The following RAD21L1 variants were observed in gnomAD, a reference collection of about 807,000 sequenced individuals.
The protein encoded by RAD21L1 is double-strand-break repair protein rad21-like protein 1.
Under a neutral mutation model 69.0 loss-of-function variants are expected in RAD21L1, and 47 were observed. That is an observed-to-expected ratio of 0.68 (90% CI 0.54 to 0.87). RAD21L1 has a LOEUF of 0.87. Among genes scored for constraint, RAD21L1 ranks in the 40% least tolerant of loss-of-function variants. RAD21L1 has a pLI of 0.00. For synonymous variants in RAD21L1, 177 were observed against 205.8 expected (o/e 0.86, Z 1.20); for missense variants, 583 against 647.6 (o/e 0.90, Z 1.08).
intron 1 of RAD21L1, among the ~76,000 whole-genome samples, chr20:1,227,625 G>A (rs1296102608): frequency 1.3e-5 from 2 of 152,210 alleles, no homozygotes; most frequent in African/African-American, 4.8e-5. Context: ...CAACCAAAGT[G>A]CTATAACATC....
chr20:1,244,508 C>T (rs1036833194), intron 11 of RAD21L1, among the ~76,000 whole-genome samples: 1 of 152,108 alleles, frequency 6.6e-6, no homozygotes, highest in African/African-American at 2.4e-5. Context: ...TTTAGAACTG[C>T]AGCCAGTATG....
intron 13 of RAD21L1, among the ~76,000 whole-genome samples, chr20:1,252,787 A>G (rs7264468): frequency 0.061 from 9,238 of 152,104 alleles, 384 homozygotes; most frequent in South Asian, 0.1. Context: ...CACTCAAATC[A>G]GCTTGCTTTT....
At chr20:1,254,207 C>A in intron 13 of RAD21L1, 62 bp from the exon 14 acceptor site, 2 of 1,155,788 alleles carry the variant, frequency 1.7e-6, no homozygotes, top group Admixed American at 2.9e-5. Context: ...GCATTTATAG[C>A]CGGCTTTACT....
chr20:1,237,864 C>T (rs2087532124), intron 5 of RAD21L1, among the ~76,000 whole-genome samples, 180 bp from the exon 6 acceptor site: 1 of 152,130 alleles, frequency 6.6e-6, no homozygotes, highest in South Asian at 2.1e-4. Context: ...GACTAAAAAT[C>T]ATGTCTCTAC....
chr20:1,240,182 T>A, intron 7 of RAD21L1, 139 bp from the exon 8 acceptor site: 2 of 1,358,390 alleles, frequency 1.5e-6, no homozygotes, highest in Non-Finnish European at 1.9e-6. Context: ...ATTAAATAAA[T>A]GGTTCTAAGA....
Position 1,246,363 on chromosome 20 carries a change from C to T in RAD21L1, c.1401+58C>T, listed in dbSNP as rs1172175694. ...AAAAACTTTATTCCTAAATATTTAA[C>T]ACCTTATTTATCTAAAACTTGGCTT... On this transcript the variant is annotated intron_variant, in intron 12 of 13. Transcript: ENST00000683101. This position sits in a 1 kb window ranked among gnomAD's most constrained non-coding sequence, Gnocchi z 4.6. 7 of 781,450 alleles carry T rather than the reference C, an allele frequency of 9.0e-6. No homozygotes were observed. The highest frequency in any genetic ancestry group is 3.7e-5 in the Admixed American group (1 of 27,156). The allele number at this position is 781,450 out of a possible 1,614,324, so 48.4% of individuals were successfully genotyped here.
At chr20:1,251,382 T>C (rs912957190) in intron 13 of RAD21L1, among the ~76,000 whole-genome samples, 8 of 151,554 alleles carry the variant, frequency 5.3e-5, no homozygotes, top group African/African-American at 1.2e-4. Context: ...TTTTTTTTTT[T>C]CCACTTATTG....
chr20:1,229,782 T>C, intron 2 of RAD21L1, 98 bp from the exon 3 acceptor site: 3 of 930,930 alleles, frequency 3.2e-6, no homozygotes, highest in Non-Finnish European at 4.6e-6. Flanking sequence ...ATATCTGCTT[T>C]TTTAAGAGAA....
chr20:1,248,726 C>A (rs1202383460), intron 13 of RAD21L1, 23 bp downstream of exon 13: 15 of 1,334,738 alleles, frequency 1.1e-5, no homozygotes, highest in Non-Finnish European at 1.5e-5. Flanking sequence ...GGTTTGTCAA[C>A]CCTGTTTTTA....
chr20:1,254,650 A>C lies in RAD21L1; in HGVS notation c.*193A>C, dbSNP rs1365946543. Reference sequence around the variant, plus strand: ...TACATGCTTACAAAGAAATACTTTAAATTCTGTTTTGTTTTTTTTTGTTGT... The same window carrying C: ...TACATGCTTACAAAGAAATACTTTACATTCTGTTTTGTTTTTTTTTGTTGT... On this transcript the variant is annotated 3_prime_UTR_variant, in exon 14 of 14. Transcript: ENST00000683101. 1.7e-5 allele frequency: 7 copies of C among 406,244 alleles called. No homozygotes were observed. The highest frequency in any genetic ancestry group is 4.3e-5 in the African/African-American group (2 of 46,266). The allele number at this position is 406,244 out of a possible 1,614,324, so 25.2% of individuals were successfully genotyped here. A position where few individuals can be genotyped will look rare whatever the true frequency, so the allele number is the denominator to read the frequency against.
chr20:1,244,171 G>T lies in RAD21L1; in HGVS notation c.1308+1G>T, dbSNP rs775288776. 2 of 1,534,596 alleles carry T rather than the reference G, an allele frequency of 1.3e-6. No homozygotes were observed. Among genetic ancestry groups the T allele is most frequent in the South Asian group, 1.2e-5 (1 of 81,280 alleles). ...TACCAATAAAAATATTAACTCTGAG[G>T]TAAGTTATCCAGAGAGAATCGTAAA... On this transcript the variant is annotated splice_donor_variant, in intron 11 of 13. Transcript: ENST00000683101. LOFTEE classifies it high-confidence loss of function.
chr20:1,238,135 A>G lies in RAD21L1; in HGVS notation c.567A>G (p.Gly189=), dbSNP rs888579501. The part of the protein sequence containing the change: ...SSGPLIEHSS[G]SLTGERSLFY... ...GTCCTTTAATTGAACATAGTTCTGG[A>G]AGCCTCACTGGAGAACGATCTCTAT... The change falls in exon 6 of 14, where the codon GGA becomes GGG. Residue 189 remains glycine (G), a synonymous_variant. Transcript: ENST00000683101. 3 of 1,545,850 alleles carry G rather than the reference A, an allele frequency of 1.9e-6. No homozygotes were observed. The African/African-American group carries it at 4.1e-5, about 21-fold the overall frequency.
rs112121489 is a variant in RAD21L1, at chr20:1,226,073, C to CGACCTGGACCCGA, written c.-100_-99insGACCTGGACCCGA. On this transcript the variant is annotated 5_prime_UTR_variant, in exon 1 of 14. Transcript: ENST00000683101. ...ACGCCCAGCGGCGCCAAGAACCCGGCCAAGCTGACTTGGCGACTCCTCGCA... is the reference window on the plus strand; with the variant it reads ...ACGCCCAGCGGCGCCAAGAACCCGGCGACCTGGACCCGACAAGCTGACTTGGCGACTCCTCGCA... 1.5e-5 allele frequency: 2 copies of CGACCTGGACCCGA among 137,038 alleles called. No homozygotes were observed. The highest frequency in any genetic ancestry group is 5.8e-5 in the African/African-American group (2 of 34,240). The allele number at this position is 137,038 out of a possible 1,614,324, so 8.5% of individuals were successfully genotyped here.
In RAD21L1 at chr20:1,244,185, G is replaced by T; in HGVS notation, c.1308+15G>T. 6.7e-7 allele frequency: 1 copy of T among 1,502,016 alleles called. No individual in the cohort carries two copies. Among genetic ancestry groups the T allele is most frequent in the South Asian group, 1.3e-5 (1 of 77,820 alleles). 93.0% of individuals were successfully genotyped at this position (1,502,016 alleles called of 1,614,324 possible). A position where few individuals can be genotyped will look rare whatever the true frequency, so the allele number is the denominator to read the frequency against. On this transcript the variant is annotated intron_variant, in intron 11 of 13. Coordinates refer to ENST00000683101, the MANE Select transcript of RAD21L1 (RefSeq NM_001384355.1). ...TTAACTCTGAGGTAAGTTATCCAGA[G>T]AGAATCGTAAAAATATTTTATTTTC...
intron 3 of RAD21L1, chr20:1,230,559 C>G: frequency 2.4e-6 from 1 of 411,778 alleles, no homozygotes; most frequent in Non-Finnish European, 3.3e-6. Flanking sequence ...ATTATGGCTA[C>G]TTAGGTATGG....
Position 1,246,366 on chromosome 20 carries a change from C to A in RAD21L1, c.1401+61C>A. 1 of 734,682 alleles carries A rather than the reference C, an allele frequency of 1.4e-6. No individual in the cohort carries two copies. Among genetic ancestry groups the A allele is most frequent in the South Asian group, 2.9e-5 (1 of 34,122 alleles). 45.5% of individuals were successfully genotyped at this position (734,682 alleles called of 1,614,324 possible). A position where few individuals can be genotyped will look rare whatever the true frequency, so the allele number is the denominator to read the frequency against. On this transcript the variant is annotated intron_variant, in intron 12 of 13. Transcript: ENST00000683101. This position sits in a 1 kb window ranked among gnomAD's most constrained non-coding sequence, Gnocchi z 4.6. The stretch of plus-strand genomic sequence containing the variant: ...AACTTTATTCCTAAATATTTAACAC[C>A]TTATTTATCTAAAACTTGGCTTTTA...
intron 13 of RAD21L1, among the ~76,000 whole-genome samples, chr20:1,253,872 G>A (rs961285112): frequency 2.6e-5 from 4 of 152,146 alleles, no homozygotes; most frequent in Admixed American, 6.5e-5. Context: ...TTAAGTAGAA[G>A]AAGACTGATA....
intron 13 of RAD21L1, among the ~76,000 whole-genome samples, chr20:1,250,015 C>T (rs749517281): frequency 2.1e-4 from 27 of 131,628 alleles, no homozygotes; most frequent in African/African-American, 7.4e-4. Flanking sequence ...CTCCCCCGAC[C>T]CCATGACAGG....
intron 5 of RAD21L1, among the ~76,000 whole-genome samples, chr20:1,234,785 T>A (rs2087461679): frequency 6.6e-6 from 1 of 152,180 alleles, no homozygotes; most frequent in African/African-American, 2.4e-5. Flanking sequence ...GGTTTTGTTC[T>A]TGTCACCCAG....
Sources: gnomAD v4.1 joint callset for allele counts (sites outside exome capture counted in the v4.1 genomes callset) on GRCh38, gnomAD v4.1.1 for gene constraint, Gnocchi (gnomAD v3.1) non-coding constraint, MANE v1.5 for transcripts, NCBI Gene and HGNC (gene_info 2026-07-23, HGNC 2026-07-21) for gene names.